The following MTRFR variants were observed in gnomAD, a reference collection of about 807,000 sequenced individuals.
MTRFR encodes mitochondrial translation release factor in rescue, also known as probable peptide chain release factor C12orf65, mitochondrial.
Under a neutral mutation model 11.9 loss-of-function variants are expected in MTRFR, and 10 were observed. That is an observed-to-expected ratio of 0.84 (90% CI 0.52 to 1.42). The LOEUF (loss-of-function observed/expected upper bound fraction) is 1.42. Ranked by LOEUF, MTRFR falls within the 40% of genes most tolerant of loss-of-function variation. MTRFR has a pLI of 0.00. For missense variants in MTRFR, 196 were observed against 197.9 expected, an observed-to-expected ratio of 0.99 and a Z score of 0.06; for synonymous variants, 77 against 79.1, an observed-to-expected ratio of 0.97 and a Z score of 0.14.
At chr12:123,244,327 G>C (rs1048106677) in intron 1 of MTRFR, among the ~76,000 whole-genome samples, 17 of 152,120 alleles carry the variant, frequency 1.1e-4, no homozygotes, top group African/African-American at 4.1e-4. Flanking sequence ...AGCTACTCAG[G>C]AGGCCGAGGC....
At chr12:123,239,782 C>CT (rs1287366818) in intron 1 of MTRFR, among the ~76,000 whole-genome samples, 1 of 151,872 alleles carries the variant, frequency 6.6e-6, no homozygotes, top group Non-Finnish European at 1.5e-5. Context: ...TTTTTTTCCC[C>CT]CAGATGACCC....
chr12:123,233,237 C>G (rs879423728), upstream of MTRFR: 1 of 152,326 alleles, frequency 6.6e-6, no homozygotes, highest in African/African-American at 2.4e-5. Flanking sequence ...GCCGTTCCCC[C>G]TCGCGCAGCT....
At chr12:123,254,228 A>T (rs2048155426) in intron 2 of MTRFR, 2 of 476,102 alleles carry the variant, frequency 4.2e-6, no homozygotes, top group African/African-American at 3.9e-5. Context: ...AATTTGGCAG[A>T]CAGCACTGGT....
chr12:123,244,444 C>CA (rs1171875733), intron 1 of MTRFR, among the ~76,000 whole-genome samples: 44 of 150,010 alleles, frequency 2.9e-4, no homozygotes, highest in South Asian at 4.2e-4. Context: ...AAACAAAAAA[C>CA]AAAAAAAAAG....
chr12:123,242,317 G>A (rs936297943), intron 1 of MTRFR, among the ~76,000 whole-genome samples: 31 of 152,152 alleles, frequency 2.0e-4, no homozygotes, highest in Middle Eastern at 3.2e-3. Context: ...GGGAACTGGG[G>A]CAGAGCTGTC....
rs377142152 is a variant in MTRFR at position 123,253,794 on chromosome 12, G to A, written c.120G>A (p.Pro40=). ...TATCCCCAGGAATAGCTGTCACTCC[G>A]GTCCAGATGGCAGGCAAGAAGGACT... ...TLLSPGIAVT[P]VQMAGKKDYP... is the part of the protein sequence containing the mutation. Residue 40 remains proline (P), a synonymous_variant, in exon 2 of 3, where the codon CCG becomes CCA. Transcript: ENST00000253233. 5.2e-5 allele frequency: 84 copies of A among 1,614,150 alleles called. No individual in the cohort carries two copies. The highest frequency in any genetic ancestry group is 4.0e-4 in the Admixed American group (24 of 60,016).
chr12:123,245,971 T>G (rs2048034014), intron 1 of MTRFR, among the ~76,000 whole-genome samples: 1 of 152,192 alleles, frequency 6.6e-6, no homozygotes, highest in Non-Finnish European at 1.5e-5. Flanking sequence ...TAGGAATTCT[T>G]GTCTTGTTCC....
chr12:123,240,397 G>A (rs138182288), intron 1 of MTRFR: 1 of 152,112 alleles, frequency 6.6e-6, no homozygotes, highest in Non-Finnish European at 1.5e-5. Flanking sequence ...CCCAGACCTA[G>A]TGAACCAGCA....
intron 1 of MTRFR, among the ~76,000 whole-genome samples, chr12:123,242,995 A>G (rs964063795): frequency 7.9e-5 from 12 of 152,226 alleles, no homozygotes; most frequent in Non-Finnish European, 1.8e-4. Flanking sequence ...AAGGAAAGAT[A>G]AGTTTTGGAC....
At chr12:123,247,277 GCTGT>G (rs1184445553) in intron 1 of MTRFR, among the ~76,000 whole-genome samples, 7 of 152,070 alleles carry the variant, frequency 4.6e-5, no homozygotes, top group Non-Finnish European at 8.8e-5. Context: ...TTATTGTGCT[GCTGT>G]CTATCTCATT....
chr12:123,243,740 A>G (rs1163332023), intron 1 of MTRFR: 1 of 152,176 alleles, frequency 6.6e-6, no homozygotes, highest in Non-Finnish European at 1.5e-5. Flanking sequence ...AGAAGTAGAG[A>G]TGAAGGATAT....
At chr12:123,255,227 G>A (rs1317451925) in intron 2 of MTRFR, among the ~76,000 whole-genome samples, 1 of 152,140 alleles carries the variant, frequency 6.6e-6, no homozygotes, top group Admixed American at 6.5e-5. Flanking sequence ...CCACTCAGTA[G>A]TCAGTTCACA....
intron 1 of MTRFR, chr12:123,253,327 C>G (rs915194890): frequency 5.3e-5 from 18 of 341,646 alleles, no homozygotes; most frequent in Admixed American, 1.2e-4. Flanking sequence ...TGTGAGCCAC[C>G]ATGCCCGGCC....
chr12:123,238,908 G>A (rs1259806518), intron 1 of MTRFR, among the ~76,000 whole-genome samples: 2 of 152,114 alleles, frequency 1.3e-5, no homozygotes, highest in Non-Finnish European at 2.9e-5. Flanking sequence ...AAACTGAGAT[G>A]TTCTGTAAGT....
chr12:123,244,085 T>A (rs1049034580), intron 1 of MTRFR: 3 of 151,788 alleles, frequency 2.0e-5, no homozygotes, highest in Non-Finnish European at 2.9e-5. Flanking sequence ...TTTATGAGGT[T>A]TCAAACACTA....
At chr12:123,239,778 T>C (rs73231928) in intron 1 of MTRFR, among the ~76,000 whole-genome samples, 79,167 of 151,456 alleles carry the variant, frequency 0.52, 24,849 homozygotes, top group East Asian at 0.7. Context: ...TATTTTTTTT[T>C]CCCCCAGATG....
chr12:123,256,289 T>G (rs1037307547), intron 2 of MTRFR, among the ~76,000 whole-genome samples: 4 of 152,234 alleles, frequency 2.6e-5, no homozygotes, highest in Admixed American at 2.6e-4. Flanking sequence ...TTTAAGTTAT[T>G]TGAAGGCCAC....
intron 1 of MTRFR, chr12:123,243,787 G>C (rs2047988994): frequency 6.6e-6 from 1 of 152,216 alleles, no homozygotes; most frequent in Non-Finnish European, 1.5e-5. Context: ...TGTCATCTCA[G>C]TATCACTGTA....
chr12:123,241,351 G>A (rs1218419108), intron 1 of MTRFR, among the ~76,000 whole-genome samples: 1 of 151,678 alleles, frequency 6.6e-6, no homozygotes, highest in Non-Finnish European at 1.5e-5. Context: ...TGTTTTTTGA[G>A]ACAGAGTCTC....
Sources: allele counts gnomAD v4.1 joint callset (sites outside exome capture counted in the v4.1 genomes callset), GRCh38; gene constraint gnomAD v4.1.1; transcripts MANE v1.5; gene names NCBI Gene and HGNC (gene_info 2026-07-23, HGNC 2026-07-21).